CELSR1: variants seen among roughly 807,000 people sequenced by gnomAD.
CELSR1 encodes the protein cadherin EGF LAG seven-pass G-type receptor 1, also known as adhesion G protein-coupled receptor C1.
CELSR1 carries 110 observed loss-of-function variants against 249.1 expected under a neutral mutation model. That is an observed-to-expected ratio of 0.44 (90% CI 0.38 to 0.52). CELSR1 has a LOEUF of 0.52. Among genes scored for constraint, CELSR1 ranks in the 20% least tolerant of loss-of-function variants. The probability of loss-of-function intolerance (pLI) is 0.00; values close to 1 mark genes in which losing one functional copy is unlikely to be tolerated. For synonymous variants in CELSR1, 2,113 were observed against 1,900.0 expected (o/e 1.11, Z -2.92); for missense variants, 4,109 against 4,296.4 (o/e 0.96, Z 1.22).
At chr22:46,369,553 T>G in intron 26 of CELSR1, 139 bp downstream of exon 26, 1 of 726,472 alleles carries the variant, frequency 1.4e-6, no homozygotes, top group Non-Finnish European at 2.3e-6. Context: ...CCTGGCGGCT[T>G]TGCTGACTGT....
intron 2 of CELSR1, among the ~76,000 whole-genome samples, chr22:46,444,047 G>A (rs993386280): frequency 5.9e-5 from 9 of 152,292 alleles, no homozygotes; most frequent in African/African-American, 1.9e-4. Flanking sequence ...TCCCACAGCC[G>A]CTTCTGTCTG....
rs1434430676 is a variant in CELSR1 at position 46,534,275 on chromosome 22, G to A, written c.2896C>T (p.Leu966Phe). 5.0e-6 allele frequency: 8 copies of A among 1,613,228 alleles called. No individual in the cohort carries two copies. In the African/African-American group the frequency reaches 6.7e-5, roughly 13 times the overall value. ...CCCCGATCCACAGCCAGAGCCCAAAGGTTGTACACGGCCACATTCTCCCGG... is the reference window on the plus strand; with the variant it reads ...CCCCGATCCACAGCCAGAGCCCAAAAGTTGTACACGGCCACATTCTCCCGG... The part of the protein sequence containing the change: ...LDRENVAVYN[L>F]WALAVDRGSP... The change falls in exon 1 of 35, where the codon CTT (leucine) becomes TTT (phenylalanine). Residue 966 changes from leucine (L) to phenylalanine (F), a missense_variant. Physicochemically the swap from Leu to Phe is conservative, Grantham distance 22. This residue lies in a region of CELSR1 where 886 missense variants were observed against 896.5 expected (regional missense o/e 0.99). Coordinates refer to ENST00000674500, the MANE Select transcript of CELSR1 (RefSeq NM_001378328.1). The surrounding 1 kb of genome is among the most constrained non-coding windows in gnomAD (Gnocchi z 9.7).
Position 46,362,786 on chromosome 22 carries a change from G to A in CELSR1, c.*437C>T, listed in dbSNP as rs747965511. 3.0e-5 allele frequency: 7 copies of A among 234,032 alleles called. No homozygotes were observed. The highest frequency in any genetic ancestry group is 4.5e-5 in the African/African-American group (2 of 44,590). The allele number at this position is 234,032 out of a possible 1,614,324, so 14.5% of individuals were successfully genotyped here. A position where few individuals can be genotyped will look rare whatever the true frequency, so the allele number is the denominator to read the frequency against. ...TTGCAAAGGACTGCCCGGGCTGCCA[G>A]CCACGGGTCCGCACTGCCATGAGAT... On this transcript the variant is annotated 3_prime_UTR_variant, in exon 35 of 35. Transcript: ENST00000674500.
In CELSR1 at chr22:46,536,756, A is replaced by C; in HGVS notation, c.415T>G (p.Cys139Gly). ...AGCGCCGAATGCTGCGCGGCCGCGC[A>C]GCCGCCGGGGACGGGGAAGCAGAGC... ...GALCFPVPGG[C>G]AAAQHSALAA... The change falls in exon 1 of 35, where the codon TGC becomes GGC. Residue 139 changes from cysteine (C) to glycine (G), a missense_variant. Physicochemically the swap from Cys to Gly is radical, Grantham distance 159 (BLOSUM62 -3). This residue lies in a region of CELSR1 where 673 missense variants were observed against 636.8 expected (regional missense o/e 1.06). Transcript: ENST00000674500. 1.7e-6 allele frequency: 2 copies of C among 1,163,294 alleles called. No individual in the cohort carries two copies. The highest frequency in any genetic ancestry group is 2.1e-6 in the Non-Finnish European group (2 of 947,086). 72.1% of individuals were successfully genotyped at this position (1,163,294 alleles called of 1,614,324 possible). A position where few individuals can be genotyped will look rare whatever the true frequency, so the allele number is the denominator to read the frequency against.
rs748042732 is a variant in CELSR1 at position 46,439,176 on chromosome 22, G to A, written c.4406+13C>T. 6 of 1,607,544 alleles carry A rather than the reference G, an allele frequency of 3.7e-6. No individual in the cohort carries two copies. The South Asian group carries it at 4.4e-5, about 12-fold the overall frequency. ...AAGAGACCCCCGTGTGGCGCGGCGGGACGCACACTCACGTGAGGGAGATGG... is the reference window on the plus strand; with the variant it reads ...AAGAGACCCCCGTGTGGCGCGGCGGAACGCACACTCACGTGAGGGAGATGG... On this transcript the variant is annotated intron_variant, in intron 3 of 34. Coordinates refer to ENST00000674500, the MANE Select transcript of CELSR1 (RefSeq NM_001378328.1).
intron 24 of CELSR1, among the ~76,000 whole-genome samples, chr22:46,375,114 AAGG>A (rs1274135938): frequency 6.6e-6 from 1 of 152,140 alleles, no homozygotes; most frequent in Non-Finnish European, 1.5e-5. Flanking sequence ...TGCCGTAAAA[AAGG>A]AGGAGCAGCT....
At chr22:46,505,261 C>CAAAAAA (rs3081585) in intron 1 of CELSR1, among the ~76,000 whole-genome samples, 3,199 of 62,322 alleles carry the variant, frequency 0.051, 528 homozygotes, top group African/African-American at 0.17. Context: ...GACTCTGTCT[C>CAAAAAA]AAAAAAAAAA....
chr22:46,438,010 A>G (rs2079685211), intron 3 of CELSR1, among the ~76,000 whole-genome samples: 1 of 152,154 alleles, frequency 6.6e-6, no homozygotes, highest in South Asian at 2.1e-4. Flanking sequence ...CTTTGGACCC[A>G]GGTGGGGGCT....
chr22:46,409,135 C>A lies in CELSR1; in HGVS notation c.5087G>T (p.Gly1696Val). The A allele has an allele frequency of 6.2e-7, 1 of 1,613,418 alleles. No individual in the cohort carries two copies. Among genetic ancestry groups the A allele is most frequent in the South Asian group, 1.1e-5 (1 of 90,938 alleles). ...QAMPHPQLFSGESVVSWSDLN... is the reference protein window; with the variant it reads ...QAMPHPQLFSVESVVSWSDLN... The stretch of plus-strand genomic sequence containing the variant: ...GTCACTCCAGGACACGACGCTCTCA[C>A]CGCTGAAGAGCTGGGGGTGAGGCAT... Residue 1696 changes from glycine (G) to valine (V), a missense_variant, in exon 9 of 35, where the codon GGT (glycine) becomes GTT (valine). This residue lies in a region of CELSR1 where 453 missense variants were observed against 492.0 expected (regional missense o/e 0.92). Coordinates refer to ENST00000674500, the MANE Select transcript of CELSR1 (RefSeq NM_001378328.1). The surrounding 1 kb of genome is among the most constrained non-coding windows in gnomAD (Gnocchi z 9.8).
At chr22:46,513,719 G>C (rs6008884) in intron 1 of CELSR1, among the ~76,000 whole-genome samples, 66,159 of 151,946 alleles carry the variant, frequency 0.44, 15,345 homozygotes, top group East Asian at 0.78. Flanking sequence ...CCTGCGCAGA[G>C]AGCCTCCTAA....
rs941626947 is a variant in CELSR1, at chr22:46,401,534, C to G, written c.5227-1632G>C. On this transcript the variant is annotated intron_variant, in intron 9 of 34. Transcript: ENST00000674500. The surrounding 1 kb of genome is among the most constrained non-coding windows in gnomAD (Gnocchi z 4.7). ...ACACAGTGGAGGCTGAGCGTGCAGTCAGGTCACGGCTGCCAGGTACCTGAA... is the reference window on the plus strand; with the variant it reads ...ACACAGTGGAGGCTGAGCGTGCAGTGAGGTCACGGCTGCCAGGTACCTGAA... Among the ~76,000 whole-genome samples the G allele has an allele frequency of 6.6e-6, 1 of 152,196 alleles. No individual in the cohort carries two copies. Among genetic ancestry groups the G allele is most frequent in the Non-Finnish European group, 1.5e-5 (1 of 68,042 alleles).
intron 2 of CELSR1, among the ~76,000 whole-genome samples, chr22:46,449,968 A>G (rs1251178064): frequency 6.6e-6 from 1 of 152,146 alleles, no homozygotes; most frequent in Non-Finnish European, 1.5e-5. Flanking sequence ...ACATGCTCAC[A>G]CACACTCACA....
Position 46,440,371 on chromosome 22 carries a change from T to C in CELSR1, c.4184-960A>G, listed in dbSNP as rs1476724252. Among the ~76,000 whole-genome samples, 5 of 152,266 alleles carry C rather than the reference T, an allele frequency of 3.3e-5. No homozygotes were observed. The highest frequency in any genetic ancestry group is 7.4e-5 in the Non-Finnish European group (5 of 68,014). Reference sequence around the variant, plus strand: ...CCACATGGGGAGTTAGGCTAATTTTTTGTATTTTTAGTAGAGACGGGGATT... The same window carrying C: ...CCACATGGGGAGTTAGGCTAATTTTCTGTATTTTTAGTAGAGACGGGGATT... On this transcript the variant is annotated intron_variant, in intron 2 of 34. Transcript: ENST00000674500. This position sits in a 1 kb window ranked among gnomAD's most constrained non-coding sequence, Gnocchi z 4.7.
In CELSR1 at chr22:46,448,053, T is replaced by G. The variant is rs1054989885; in HGVS notation, c.4184-8642A>C. 3.9e-5 allele frequency among the ~76,000 whole-genome samples: 6 copies of G among 152,238 alleles called. No individual in the cohort carries two copies. The highest frequency in any genetic ancestry group is 1.4e-4 in the African/African-American group (6 of 41,460). On this transcript the variant is annotated intron_variant, in intron 2 of 34. Transcript: ENST00000674500. This position sits in a 1 kb window ranked among gnomAD's most constrained non-coding sequence, Gnocchi z 5.7. Reference sequence around the variant, plus strand: ...CTTGGGGCTGGTGCACTGCCCTGCCTGCCCAGAGACCCTAGCACCAAAGCC... The same window carrying G: ...CTTGGGGCTGGTGCACTGCCCTGCCGGCCCAGAGACCCTAGCACCAAAGCC...
At position 46,463,810 on chromosome 22, in the gene CELSR1, G is replaced by A. The variant is rs781404334; in HGVS notation, c.4080C>T (p.Cys1360=). ...RCPPGFTGDY[C]ETEIDLCYSD... ...AGTAGCAGAGGTCGATCTCCGTCTCGCAGTAGTCGCCGGTGAAGCCGGGCG... is the reference window on the plus strand; with the variant it reads ...AGTAGCAGAGGTCGATCTCCGTCTCACAGTAGTCGCCGGTGAAGCCGGGCG... The change falls in exon 2 of 35, where the codon TGC becomes TGT. Residue 1360 remains cysteine (C), a synonymous_variant. Transcript: ENST00000674500. 6 of 1,610,038 alleles carry A rather than the reference G, an allele frequency of 3.7e-6. No homozygotes were observed. The highest frequency in any genetic ancestry group is 2.2e-5 in the East Asian group (1 of 44,812).
rs765203710 is a variant in CELSR1 at position 46,399,678 on chromosome 22, A to AC, written c.5412+38_5412+39insG. 1 of 1,596,908 alleles carries AC rather than the reference A, an allele frequency of 6.3e-7. No individual in the cohort carries two copies. The highest frequency in any genetic ancestry group is 8.6e-7 in the Non-Finnish European group (1 of 1,165,082). ...ATTCTGTTTTTCCCTGGGCCGGAGG[A>AC]AGGGTCTATCCCCAGAGGAGGTGCA... On this transcript the variant is annotated intron_variant, in intron 10 of 34. Transcript: ENST00000674500. This position sits in a 1 kb window ranked among gnomAD's most constrained non-coding sequence, Gnocchi z 5.0.
intron 1 of CELSR1, among the ~76,000 whole-genome samples, chr22:46,491,534 A>G (rs1202136469): frequency 1.3e-5 from 2 of 151,482 alleles, no homozygotes; most frequent in Non-Finnish European, 2.9e-5. Context: ...AAGTGCTGGG[A>G]TTACAGGTGT....
chr22:46,445,057 G>A lies in CELSR1; in HGVS notation c.4184-5646C>T, dbSNP rs918672668. Among the ~76,000 whole-genome samples the A allele has an allele frequency of 1.3e-5, 2 of 152,084 alleles. No individual in the cohort carries two copies. Among genetic ancestry groups the A allele is most frequent in the African/African-American group, 2.4e-5 (1 of 41,386 alleles). ...ATCTCTACTACAAAAATTAACCGGC[G>A]TGGTGGCAAGCGCCTGTAATCCCAG... is the stretch of plus-strand genomic sequence containing the variant. On this transcript the variant is annotated intron_variant, in intron 2 of 34. Coordinates refer to ENST00000674500, the MANE Select transcript of CELSR1 (RefSeq NM_001378328.1). The surrounding 1 kb of genome is among the most constrained non-coding windows in gnomAD (Gnocchi z 4.4).
At position 46,439,191 on chromosome 22, in the gene CELSR1, G is replaced by T; in HGVS notation, c.4404C>A (p.Leu1468=). ...LRQRFHFTIS[L]TFATQERNGL... ...GGCGCGGCGGGACGCACACTCACGT[G>T]AGGGAGATGGTGAAGTGGAAGCGCT... The change falls in exon 3 of 35, where the codon CTC becomes CTA. Residue 1468 remains leucine, a splice_region_variant and synonymous_variant. Transcript: ENST00000674500. 1 of 1,612,692 alleles carries T rather than the reference G, an allele frequency of 6.2e-7. No homozygotes were observed. Among genetic ancestry groups the T allele is most frequent in the Non-Finnish European group, 8.5e-7 (1 of 1,178,998 alleles).
Sources: allele counts gnomAD v4.1 joint callset (sites outside exome capture counted in the v4.1 genomes callset), GRCh38; gene constraint gnomAD v4.1.1; regional missense constraint gnomAD v4.1.1; non-coding constraint Gnocchi (gnomAD v3.1); transcripts MANE v1.5; gene names NCBI Gene and HGNC (gene_info 2026-07-23, HGNC 2026-07-21).